AAK1: variants seen among roughly 807,000 people sequenced by gnomAD.
The protein encoded by AAK1 is AP2-associated protein kinase 1.
A neutral mutation model predicts 116.0 loss-of-function variants in AAK1; 37 were observed. The observed-to-expected ratio is 0.32, with a 90% confidence interval of 0.25 to 0.42. AAK1 has a LOEUF of 0.42. Among genes scored for constraint, AAK1 ranks in the 10% least tolerant of loss-of-function variants. The pLI is 1.00. For synonymous variants in AAK1, 458 were observed against 439.9 expected (o/e 1.04, Z -0.51); for missense variants, 919 against 1,170.6 (o/e 0.79, Z 3.14).
chr2:69,626,098 G>A (rs1371680076), intron 2 of AAK1, among the ~76,000 whole-genome samples: 2 of 151,888 alleles, frequency 1.3e-5, no homozygotes, highest in African/African-American at 2.4e-5. Flanking sequence ...TTGAGTTCAC[G>A]ACCTCACCCA....
chr2:69,466,492 G>A lies in AAK1; in HGVS notation c.*9377C>T, dbSNP rs1185556562. On this transcript the variant is annotated 3_prime_UTR_variant, in exon 22 of 22. Transcript: ENST00000409085. The stretch of plus-strand genomic sequence containing the variant: ...TACAGCGGAAGGCCTTTAACACCCA[G>A]TGATTCTTTAAAGTGCTCTACAGTT... The A allele has an allele frequency of 7.9e-7, 1 of 1,257,970 alleles. No homozygotes were observed. The allele number at this position is 1,257,970 out of a possible 1,614,324, so 77.9% of individuals were successfully genotyped here.
chr2:69,545,810 A>G (rs1670899728), intron 3 of AAK1, among the ~76,000 whole-genome samples: 1 of 152,192 alleles, frequency 6.6e-6, no homozygotes, highest in African/African-American at 2.4e-5. Flanking sequence ...GTAGTTTCAC[A>G]GAACAGATGG....
intron 9 of AAK1, among the ~76,000 whole-genome samples, chr2:69,525,715 G>T (rs1028695993): frequency 6.6e-6 from 1 of 152,158 alleles, no homozygotes; most frequent in Non-Finnish European, 1.5e-5. Flanking sequence ...TGCCTCATGA[G>T]GGAGCACCAA....
chr2:69,479,886 G>C (rs916947476), intron 19 of AAK1, among the ~76,000 whole-genome samples: 19 of 152,138 alleles, frequency 1.2e-4, no homozygotes, highest in Admixed American at 1.2e-3. Flanking sequence ...CTCTTGAGTA[G>C]CTGGGATTAC....
intron 4 of AAK1, among the ~76,000 whole-genome samples, chr2:69,543,725 G>A (rs557096350): frequency 3.3e-5 from 5 of 152,258 alleles, no homozygotes; most frequent in East Asian, 3.9e-4. Flanking sequence ...TATCTTAAGC[G>A]TAAGGAAAAT....
At chr2:69,642,767 G>A in intron 2 of AAK1, 111 bp downstream of exon 2, 1 of 1,425,150 alleles carries the variant, frequency 7.0e-7, no homozygotes, top group Admixed American at 1.9e-5. Flanking sequence ...AGTGAAGGGG[G>A]AAGGGAGGGT....
chr2:69,611,224 T>C (rs1476433159), intron 2 of AAK1, among the ~76,000 whole-genome samples: 1 of 152,198 alleles, frequency 6.6e-6, no homozygotes, highest in Non-Finnish European at 1.5e-5. Context: ...TAGAACAAAG[T>C]AGGCAGAAGG....
intron 2 of AAK1, among the ~76,000 whole-genome samples, chr2:69,633,592 G>A (rs1559020277): frequency 7.6e-6 from 1 of 131,458 alleles, no homozygotes; most frequent in East Asian, 2.6e-4. Context: ...AGAATGAGAC[G>A]CTGTCTCAAA....
chr2:69,536,041 T>C (rs1670456738), intron 5 of AAK1, among the ~76,000 whole-genome samples: 1 of 152,160 alleles, frequency 6.6e-6, no homozygotes, highest in African/African-American at 2.4e-5. Context: ...TCTCCCTTAA[T>C]AGATTAGAAA....
intron 15 of AAK1, 137 bp downstream of exon 15, chr2:69,507,284 A>G: frequency 9.6e-7 from 1 of 1,040,884 alleles, no homozygotes; most frequent in South Asian, 1.8e-5. Flanking sequence ...CTTTGAAATC[A>G]AGCCTTATGC....
In AAK1 at chr2:69,544,524, C is replaced by T. The variant is rs1331228157; in HGVS notation, c.303G>A (p.Lys101=). ...IQIMRDLSGH[K]NIVGYIDSSI... Reference sequence around the variant, plus strand: ...TAGAATCAATGTAACCCACAATATTCTTGTGCCCTGAAAGATCCCTCTGTG... The same window carrying T: ...TAGAATCAATGTAACCCACAATATTTTTGTGCCCTGAAAGATCCCTCTGTG... The change falls in exon 4 of 22, where the codon AAG becomes AAA. Residue 101 remains lysine (K), a synonymous_variant. Transcript: ENST00000409085. The T allele has an allele frequency of 6.2e-7, 1 of 1,613,626 alleles. No individual in the cohort carries two copies. Among genetic ancestry groups the T allele is most frequent in the Admixed American group, 1.7e-5 (1 of 60,016 alleles).
Position 69,626,505 on chromosome 2 carries a change from A to T in AAK1, c.163+16373T>A, listed in dbSNP as rs1054751644. ...ATTAAATTAATTAATTATTATTATT[A>T]TTATTTTTTTTTGAGACAGGGTCTC... is the stretch of plus-strand genomic sequence containing the variant. On this transcript the variant is annotated intron_variant, in intron 2 of 21. Transcript: ENST00000409085. Among the ~76,000 whole-genome samples the T allele has an allele frequency of 4.5e-3, 655 of 145,572 alleles. 8 individuals carry two copies. The highest frequency in any genetic ancestry group is 0.014 in the African/African-American group (514 of 36,870).
chr2:69,601,689 G>C (rs1185974754), intron 2 of AAK1, among the ~76,000 whole-genome samples: 1 of 152,040 alleles, frequency 6.6e-6, no homozygotes, highest in Non-Finnish European at 1.5e-5. Context: ...AAAAAAATTG[G>C]CTTATCTGCC....
intron 3 of AAK1, among the ~76,000 whole-genome samples, chr2:69,554,115 A>T (rs181936526): frequency 6.2e-4 from 94 of 152,176 alleles, no homozygotes; most frequent in African/African-American, 2.2e-3. Context: ...GGCTCCAACA[A>T]AATGAGGAAG....
chr2:69,595,583 A>G (rs1673245791), intron 2 of AAK1, among the ~76,000 whole-genome samples: 1 of 152,262 alleles, frequency 6.6e-6, no homozygotes. Context: ...AGAAAGCTCC[A>G]GAAGAAGTTT....
At chr2:69,603,876 T>C (rs996697385) in intron 2 of AAK1, among the ~76,000 whole-genome samples, 6 of 152,214 alleles carry the variant, frequency 3.9e-5, no homozygotes, top group Non-Finnish European at 8.8e-5. Flanking sequence ...TCAGACATCA[T>C]TTGAGTCATG....
chr2:69,530,997 A>T (rs1382203759), intron 6 of AAK1, among the ~76,000 whole-genome samples: 2 of 152,204 alleles, frequency 1.3e-5, no homozygotes, highest in African/African-American at 4.8e-5. Context: ...CTCAAATGAC[A>T]AAATCTTCTC....
chr2:69,521,794 C>T (rs1212866593), intron 10 of AAK1, among the ~76,000 whole-genome samples: 1 of 152,140 alleles, frequency 6.6e-6, no homozygotes, highest in Non-Finnish European at 1.5e-5. Context: ...TTGACTATTC[C>T]TTGATCCTGC....
intron 2 of AAK1, among the ~76,000 whole-genome samples, chr2:69,589,488 C>G (rs983142564): frequency 6.6e-6 from 1 of 151,952 alleles, no homozygotes; most frequent in Admixed American, 6.6e-5. Context: ...GCAGGCAGAT[C>G]ACCAGAGGTC....
Sources: allele counts gnomAD v4.1 joint callset (sites outside exome capture counted in the v4.1 genomes callset), GRCh38; gene constraint gnomAD v4.1.1; transcripts MANE v1.5; gene names NCBI Gene and HGNC (gene_info 2026-07-23, HGNC 2026-07-21).